SGCD: variants seen among roughly 807,000 people sequenced by gnomAD.
SGCD encodes the protein sarcoglycan delta, also known as delta-sarcoglycan.
A neutral mutation model predicts 36.6 loss-of-function variants in SGCD; 18 were observed. That is an observed-to-expected ratio of 0.49 (90% CI 0.34 to 0.73). The LOEUF is 0.73. SGCD is among the 30% of genes least tolerant of loss of function. The pLI, the probability that SGCD is intolerant of heterozygous loss-of-function variation, is 0.01. For synonymous variants in SGCD, 133 were observed against 130.6 expected (o/e 1.02, Z -0.12); for missense variants, 387 against 346.7 (o/e 1.12, Z -0.92).
At chr5:156,199,664 G>A (rs1444643539) in intron 3 of SGCD, among the ~76,000 whole-genome samples, 1 of 151,938 alleles carries the variant, frequency 6.6e-6, no homozygotes, top group South Asian at 2.1e-4. Context: ...TAAAATAATG[G>A]CATTAGATTA....
intron 3 of SGCD, among the ~76,000 whole-genome samples, chr5:156,368,894 A>G (rs1770245491): frequency 6.6e-6 from 1 of 152,228 alleles, no homozygotes; most frequent in Admixed American, 6.5e-5. Context: ...TATATATTGC[A>G]ATGTAAAAAT....
upstream of SGCD, among the ~76,000 whole-genome samples, chr5:156,325,361 C>T (rs1185888164): frequency 8.1e-6 from 1 of 123,912 alleles, no homozygotes; most frequent in Admixed American, 8.6e-5. Context: ...CATTTTGCTC[C>T]ATTAAAAAAA....
chr5:155,964,265 A>G (rs1757854257), intron 1 of SGCD, among the ~76,000 whole-genome samples: 1 of 152,140 alleles, frequency 6.6e-6, no homozygotes, highest in Non-Finnish European at 1.5e-5. Flanking sequence ...TTTAGCAAAT[A>G]TTATGATTTG....
chr5:155,905,254 A>G (rs1188399754), intron 1 of SGCD, among the ~76,000 whole-genome samples: 1 of 152,196 alleles, frequency 6.6e-6, no homozygotes, highest in Non-Finnish European at 1.5e-5. Context: ...TGAATGGATT[A>G]AAGAAAGCTG....
rs1321335259 is a variant in SGCD at position 155,975,614 on chromosome 5, T to C, written c.-282+105190T>C. On this transcript the variant is annotated intron_variant, in intron 1 of 9. Coordinates refer to the SGCD transcript ENST00000517913. ...TATTTATTTTTCTTTCTTTCCTTTTTTTTTTTTTTTTTTTTTTTTTTTTTT... is the reference window on the plus strand; with the variant it reads ...TATTTATTTTTCTTTCTTTCCTTTTCTTTTTTTTTTTTTTTTTTTTTTTTT... Among the ~76,000 whole-genome samples, 82 of 48,612 alleles carry C rather than the reference T, an allele frequency of 1.7e-3. 3 individuals are homozygous for C. The highest frequency in any genetic ancestry group is 5.5e-3 in the African/African-American group (58 of 10,606). The allele number at this position is 48,612 out of a possible 152,430, so 31.9% of individuals were successfully genotyped here. A position where few individuals can be genotyped will look rare whatever the true frequency, so the allele number is the denominator to read the frequency against.
intron 1 of SGCD, among the ~76,000 whole-genome samples, chr5:156,008,111 A>T (rs1470018989): frequency 6.6e-6 from 1 of 152,144 alleles, no homozygotes; most frequent in African/African-American, 2.4e-5. Flanking sequence ...TGGCTGCTAT[A>T]AAAAAATGCC....
chr5:156,521,190 A>G (rs992988182), intron 4 of SGCD, among the ~76,000 whole-genome samples: 1 of 152,176 alleles, frequency 6.6e-6, no homozygotes, highest in Non-Finnish European at 1.5e-5. Flanking sequence ...TACACCATAT[A>G]CAAAAATCAA....
chr5:156,150,183 C>G lies in SGCD; in HGVS notation c.-44+26164C>G, dbSNP rs758342041. On this transcript the variant is annotated intron_variant, in intron 3 of 9. Coordinates refer to the SGCD transcript ENST00000517913. ...CACCACTCTCTCAGTTCTGTCTACT[C>G]TTTTTGCAACTCCTTTTGGCTCCTC... Among the ~76,000 whole-genome samples the G allele has an allele frequency of 5.3e-5, 8 of 151,918 alleles. 1 individual carries two copies. Among genetic ancestry groups the G allele is most frequent in the African/African-American group, 1.9e-4 (8 of 41,178 alleles).
intron 1 of SGCD, among the ~76,000 whole-genome samples, chr5:156,090,386 G>A (rs766770210): frequency 1.3e-4 from 20 of 152,176 alleles, no homozygotes; most frequent in Non-Finnish European, 2.5e-4. Flanking sequence ...GGGCCTCCAG[G>A]GGTGCCATTA....
At chr5:156,440,847 T>G (rs1337468861) in intron 3 of SGCD, among the ~76,000 whole-genome samples, 2 of 152,208 alleles carry the variant, frequency 1.3e-5, no homozygotes, top group African/African-American at 4.8e-5. Flanking sequence ...TTATATATTC[T>G]AGATACTAGA....
the SGCD span, among the ~76,000 whole-genome samples, chr5:155,802,265 C>T: frequency 6.6e-6 from 1 of 152,210 alleles, no homozygotes; most frequent in African/African-American, 2.4e-5. Flanking sequence ...TATGAGACCA[C>T]ATAAATCCCA....
chr5:156,553,087 CAG>C (rs1280101791), intron 4 of SGCD, among the ~76,000 whole-genome samples: 1 of 152,118 alleles, frequency 6.6e-6, no homozygotes, highest in Non-Finnish European at 1.5e-5. Flanking sequence ...ATCACATGGT[CAG>C]AGATGAAGCA....
chr5:155,944,381 C>G (rs1232858137), intron 1 of SGCD, among the ~76,000 whole-genome samples: 1 of 152,178 alleles, frequency 6.6e-6, no homozygotes, highest in African/African-American at 2.4e-5. Context: ...CAGACAATGA[C>G]TAGGCATGTG....
intron 1 of SGCD, among the ~76,000 whole-genome samples, chr5:155,887,612 A>T (rs1305713949): frequency 6.6e-6 from 1 of 152,190 alleles, no homozygotes; most frequent in Non-Finnish European, 1.5e-5. Flanking sequence ...GTGGATAATA[A>T]TAACATCTGG....
intron 7 of SGCD, among the ~76,000 whole-genome samples, chr5:156,716,744 C>G (rs541378364): frequency 6.6e-6 from 1 of 152,286 alleles, no homozygotes; most frequent in African/African-American, 2.4e-5. Context: ...AACCAGCTCC[C>G]TTGTCTCTGA....
At chr5:155,905,120 G>A (rs778627335) in intron 1 of SGCD, among the ~76,000 whole-genome samples, 6 of 152,142 alleles carry the variant, frequency 3.9e-5, no homozygotes, top group Non-Finnish European at 8.8e-5. Flanking sequence ...AGAAATGGGT[G>A]CTACCAAGTC....
At chr5:155,871,770 G>T (rs1054069335) in intron 1 of SGCD, among the ~76,000 whole-genome samples, 1 of 152,194 alleles carries the variant, frequency 6.6e-6, no homozygotes, top group Non-Finnish European at 1.5e-5. Context: ...TTAAGGAATG[G>T]CTGGTGACAG....
At chr5:156,738,348 G>A (rs1430255704) in intron 7 of SGCD, among the ~76,000 whole-genome samples, 3 of 152,178 alleles carry the variant, frequency 2.0e-5, no homozygotes, top group Non-Finnish European at 4.4e-5. Flanking sequence ...AGTTTCATAT[G>A]CAGTCACCTT....
intron 4 of SGCD, among the ~76,000 whole-genome samples, chr5:156,567,704 G>A (rs767193365): frequency 9.9e-5 from 15 of 152,134 alleles, no homozygotes; most frequent in Non-Finnish European, 1.9e-4. Flanking sequence ...AATTGACAAC[G>A]TGAGCTCAGA....
Sources: gnomAD v4.1 joint callset for allele counts (sites outside exome capture counted in the v4.1 genomes callset) on GRCh38, gnomAD v4.1.1 for gene constraint, MANE v1.5 for transcripts, NCBI Gene and HGNC (gene_info 2026-07-23, HGNC 2026-07-21) for gene names.